The following DIXDC1 variants were observed in gnomAD, a reference collection of about 807,000 sequenced individuals.
DIXDC1 encodes the protein dixin.
In DIXDC1, 64 loss-of-function variants were observed where a neutral mutation model predicts 103.1. The ratio of observed to expected loss-of-function variants is 0.62; its 90% CI spans 0.51 to 0.76. The LOEUF (loss-of-function observed/expected upper bound fraction) is 0.76, where lower values mean the gene tolerates loss of function less well. DIXDC1 is among the 30% of genes least tolerant of loss of function. The pLI, the probability that DIXDC1 is intolerant of heterozygous loss-of-function variation, is 0.00. For synonymous variants in DIXDC1, 266 were observed against 298.5 expected (o/e 0.89, Z 1.12); for missense variants, 759 against 834.2 (o/e 0.91, Z 1.11).
chr11:111,994,159 G>T (rs1238965051), intron 14 of DIXDC1, among the ~76,000 whole-genome samples: 1 of 152,178 alleles, frequency 6.6e-6, no homozygotes, highest in African/African-American at 2.4e-5. Context: ...GGCCAAGGCA[G>T]GTGGCTAACT....
chr11:111,946,680 G>T (rs1555169419), intron 1 of DIXDC1: 9 of 305,236 alleles, frequency 2.9e-5, no homozygotes, highest in South Asian at 8.0e-5. Flanking sequence ...TTTTTCCTTT[G>T]TTTATTTTGG....
At chr11:112,001,041 C>A (rs182956423) in intron 17 of DIXDC1, among the ~76,000 whole-genome samples, 2 of 152,160 alleles carry the variant, frequency 1.3e-5, no homozygotes, top group African/African-American at 2.4e-5. Flanking sequence ...GGTAGAAACA[C>A]CCCAGATGTC....
chr11:111,962,636 C>T (rs868930271), intron 1 of DIXDC1, among the ~76,000 whole-genome samples: 41 of 152,090 alleles, frequency 2.7e-4, no homozygotes, highest in African/African-American at 8.0e-4. Flanking sequence ...TAGCACGTGA[C>T]GAGCTTAAAT....
chr11:111,995,405 C>G lies in DIXDC1; in HGVS notation c.1530C>G (p.Thr510=). Residue 510 remains threonine (T), a splice_region_variant and synonymous_variant, in exon 16 of 20, where the codon ACC becomes ACG. Coordinates refer to ENST00000440460, the MANE Select transcript of DIXDC1 (RefSeq NM_001037954.4). ...CAACACCTTATTTTTGCCCACAGAC[C>G]AGCGACCTGCAGCTTGTTCGAGATG... The part of the protein sequence containing the change: ...KGATSVSNRG[T]SDLQLVRDAL... 6.2e-7 allele frequency: 1 copy of G among 1,611,568 alleles called. No homozygotes were observed. The highest frequency in any genetic ancestry group is 8.5e-7 in the Non-Finnish European group (1 of 1,179,882).
At position 111,995,166 on chromosome 11, in the gene DIXDC1, C is replaced by G. The variant is rs1324404878; in HGVS notation, c.1527+58C>G. ...ACTTCTCACTGAAACCAGAAGAGTG[C>G]CAAAGCCATGGCCAGTGGATGAGGC... On this transcript the variant is annotated intron_variant, in intron 15 of 19. Transcript: ENST00000440460. 9.0e-6 allele frequency: 14 copies of G among 1,559,210 alleles called. No homozygotes were observed. In the Admixed American group the frequency reaches 2.2e-4, roughly 25 times the overall value.
chr11:111,971,746 AT>A (rs1555172083), intron 3 of DIXDC1, among the ~76,000 whole-genome samples: 161 of 151,802 alleles, frequency 1.1e-3, no homozygotes, highest in African/African-American at 3.7e-3. Flanking sequence ...CTATATCTAT[AT>A]CTATATCTAT....
At chr11:111,935,254 G>C (rs1555168021), upstream of DIXDC1, among the ~76,000 whole-genome samples, 2 of 152,226 alleles carry the variant, frequency 1.3e-5, no homozygotes, top group African/African-American at 4.8e-5. Context: ...CTTGCTGAGT[G>C]ACTGTGAGCA....
intron 1 of DIXDC1, among the ~76,000 whole-genome samples, chr11:111,951,707 A>C (rs2137473534): frequency 6.6e-6 from 1 of 152,182 alleles, no homozygotes; most frequent in East Asian, 1.9e-4. Flanking sequence ...ATAGTGAATA[A>C]ACCTCACGAT....
chr11:111,932,829 C>T (rs116384366), upstream of DIXDC1, among the ~76,000 whole-genome samples: 112 of 152,172 alleles, frequency 7.4e-4, no homozygotes, highest in African/African-American at 2.6e-3. Flanking sequence ...ATTCTTCCCT[C>T]CAGTCTTGTT....
chr11:112,016,445 A>G (rs1390722743), intron 17 of DIXDC1, among the ~76,000 whole-genome samples: 2 of 152,154 alleles, frequency 1.3e-5, no homozygotes, highest in Non-Finnish European at 2.9e-5. Flanking sequence ...TACCTGTCAT[A>G]TCAGTTGCTG....
intron 4 of DIXDC1, 144 bp from the exon 5 acceptor site, chr11:111,974,732 T>C: frequency 7.0e-7 from 1 of 1,422,580 alleles, no homozygotes; most frequent in Non-Finnish European, 9.3e-7. Flanking sequence ...CCTTCCCTGC[T>C]AGGTACCAAG....
At position 111,953,260 on chromosome 11, in the gene DIXDC1, G is replaced by A. The variant is rs141946748; in HGVS notation, c.61-11289G>A. 4.7e-4 allele frequency among the ~76,000 whole-genome samples: 72 copies of A among 152,286 alleles called. 1 individual carries two copies. The East Asian group carries it at 0.01, about 21-fold the overall frequency. On this transcript the variant is annotated intron_variant, in intron 1 of 19. Coordinates refer to ENST00000440460, the MANE Select transcript of DIXDC1 (RefSeq NM_001037954.4). ...TACATGGGAATGCGGTGGAAAGAAT[G>A]ATGTGGGAGTGACACTTTTTATGTT...
upstream of DIXDC1, among the ~76,000 whole-genome samples, chr11:111,936,440 A>G (rs1464555140): frequency 1.3e-5 from 2 of 152,216 alleles, no homozygotes; most frequent in Non-Finnish European, 2.9e-5. Flanking sequence ...ACATTTTTGC[A>G]GTCTTTATTT....
At chr11:111,959,358 C>T (rs1295831821) in intron 1 of DIXDC1, among the ~76,000 whole-genome samples, 10 of 152,228 alleles carry the variant, frequency 6.6e-5, no homozygotes, top group African/African-American at 2.4e-4. Context: ...CAGGCGCCAC[C>T]ACATTCCCTG....
At chr11:111,953,932 C>A (rs1258407777) in intron 1 of DIXDC1, among the ~76,000 whole-genome samples, 1 of 151,936 alleles carries the variant, frequency 6.6e-6, no homozygotes, top group South Asian at 2.1e-4. Context: ...AAAAGAAACG[C>A]GTCTGTACTG....
Position 111,993,600 on chromosome 11 carries a change from T to C in DIXDC1, c.1365+12T>C, listed in dbSNP as rs781896071. The C allele has an allele frequency of 1.9e-6, 3 of 1,614,036 alleles. No homozygotes were observed. Among genetic ancestry groups the C allele is most frequent in the South Asian group, 2.2e-5 (2 of 91,080 alleles). The stretch of plus-strand genomic sequence containing the variant: ...TCAGTTACCACCAGGTCAGAACATA[T>C]TCAGCCACTGACTTCCCTGCCTCTT... On this transcript the variant is annotated intron_variant, in intron 13 of 19. Coordinates refer to ENST00000440460, the MANE Select transcript of DIXDC1 (RefSeq NM_001037954.4).
chr11:111,997,956 A>G (rs1860954911), intron 17 of DIXDC1, among the ~76,000 whole-genome samples: 2 of 152,180 alleles, frequency 1.3e-5, no homozygotes, highest in African/African-American at 4.8e-5. Flanking sequence ...AAAATTCTTA[A>G]AAGAAGAGTC....
At chr11:111,927,780 G>T (rs1965873557) in intron 1 of DIXDC1, among the ~76,000 whole-genome samples, 2 of 152,008 alleles carry the variant, frequency 1.3e-5, no homozygotes, top group African/African-American at 4.8e-5. Context: ...ACTTTGGGAG[G>T]CTGAGGCGGG....
chr11:112,018,371 G>A (rs1555178023), intron 19 of DIXDC1, among the ~76,000 whole-genome samples: 2 of 152,290 alleles, frequency 1.3e-5, no homozygotes, highest in East Asian at 1.9e-4. Flanking sequence ...ATTTGTCAAA[G>A]ATAGACTTTT....
Sources: gnomAD v4.1 joint callset for allele counts (sites outside exome capture counted in the v4.1 genomes callset) on GRCh38, gnomAD v4.1.1 for gene constraint, MANE v1.5 for transcripts, NCBI Gene and HGNC (gene_info 2026-07-23, HGNC 2026-07-21) for gene names.